The following CDYL2 variants were observed in gnomAD, a reference collection of about 807,000 sequenced individuals.
CDYL2 encodes the protein chromodomain Y like 2.
CDYL2 carries 23 observed loss-of-function variants against 49.4 expected under a neutral mutation model. The observed-to-expected ratio is 0.47, with a 90% CI of 0.34 to 0.66. CDYL2 has a LOEUF of 0.66. Ranked by LOEUF, CDYL2 falls within the 30% of genes least tolerant of loss-of-function variation. The pLI, the probability that CDYL2 is intolerant of heterozygous loss-of-function variation, is 0.01. For synonymous variants in CDYL2, 360 were observed against 268.8 expected, an observed-to-expected ratio of 1.34 and a Z score of -3.32; for missense variants, 678 against 656.4, an observed-to-expected ratio of 1.03 and a Z score of -0.36.
At chr16:80,629,075 G>A (rs1387792837) in intron 3 of CDYL2, among the ~76,000 whole-genome samples, 1 of 152,204 alleles carries the variant, frequency 6.6e-6, no homozygotes, top group Non-Finnish European at 1.5e-5. Context: ...AGGTATGTGA[G>A]GTGGGCTGCA....
chr16:80,748,910 G>GAA (rs1906032458), intron 1 of CDYL2, among the ~76,000 whole-genome samples: 1 of 152,084 alleles, frequency 6.6e-6, no homozygotes, highest in Non-Finnish European at 1.5e-5. Context: ...ATCAAAAAAA[G>GAA]AAAAGTCATA....
At chr16:80,674,527 C>T (rs144271036) in intron 2 of CDYL2, among the ~76,000 whole-genome samples, 2 of 152,102 alleles carry the variant, frequency 1.3e-5, no homozygotes, top group East Asian at 3.8e-4. Flanking sequence ...GTGTGACTTG[C>T]AGAGTTGTGC....
At chr16:80,628,355 T>C (rs944739076) in intron 3 of CDYL2, 3 of 152,234 alleles carry the variant, frequency 2.0e-5, no homozygotes, top group Non-Finnish European at 4.4e-5. Context: ...GACAAAAGGA[T>C]CATCCTCTCT....
At chr16:80,605,699 G>C (rs1906301002) in intron 6 of CDYL2, among the ~76,000 whole-genome samples, 1 of 151,870 alleles carries the variant, frequency 6.6e-6, no homozygotes, top group Admixed American at 6.6e-5. Flanking sequence ...ATTCATAACA[G>C]TAATAGTAAT....
At chr16:80,671,423 C>T (rs1432185563) in intron 2 of CDYL2, among the ~76,000 whole-genome samples, 1 of 152,218 alleles carries the variant, frequency 6.6e-6, no homozygotes, top group African/African-American at 2.4e-5. Flanking sequence ...CCCTGCCACC[C>T]AGGCCCCTCC....
chr16:80,788,671 A>G (rs908862310), intron 1 of CDYL2, among the ~76,000 whole-genome samples: 1 of 152,228 alleles, frequency 6.6e-6, no homozygotes, highest in African/African-American at 2.4e-5. Flanking sequence ...ACCTAGGATG[A>G]CTGGCTTAAA....
At chr16:80,676,254 C>T (rs1018938765) in intron 2 of CDYL2, among the ~76,000 whole-genome samples, 1 of 152,212 alleles carries the variant, frequency 6.6e-6, no homozygotes, top group African/African-American at 2.4e-5. Flanking sequence ...GATTAAAAAA[C>T]CCTCAAGTTT....
intron 2 of CDYL2, among the ~76,000 whole-genome samples, chr16:80,660,837 C>A (rs1909011362): frequency 6.6e-6 from 1 of 152,144 alleles, no homozygotes; most frequent in African/African-American, 2.4e-5. Context: ...AGAAATGGTG[C>A]ACAGTGGTCT....
intron 2 of CDYL2, among the ~76,000 whole-genome samples, chr16:80,654,856 A>G (rs1416550208): frequency 2.6e-5 from 4 of 152,252 alleles, no homozygotes; most frequent in Admixed American, 2.6e-4. Flanking sequence ...AAAATGATTC[A>G]GTGAACTTCG....
chr16:80,793,063 G>A (rs1183337570), intron 1 of CDYL2, among the ~76,000 whole-genome samples: 3 of 152,172 alleles, frequency 2.0e-5, no homozygotes, highest in Non-Finnish European at 2.9e-5. Context: ...CCTTACAAGT[G>A]TGTCTCCCAA....
intron 2 of CDYL2, among the ~76,000 whole-genome samples, chr16:80,634,317 T>G (rs113800277): frequency 6.6e-6 from 1 of 152,022 alleles, no homozygotes; most frequent in Non-Finnish European, 1.5e-5. Context: ...TATGCAACCA[T>G]AAAAAAGGAT....
At chr16:80,686,768 G>C (rs929505140) in intron 1 of CDYL2, among the ~76,000 whole-genome samples, 2 of 152,168 alleles carry the variant, frequency 1.3e-5, no homozygotes, top group African/African-American at 4.8e-5. Flanking sequence ...TAATAAATAT[G>C]CAAATAACTA....
At chr16:80,727,915 A>G (rs1412078210) in intron 1 of CDYL2, among the ~76,000 whole-genome samples, 3 of 152,198 alleles carry the variant, frequency 2.0e-5, no homozygotes, top group African/African-American at 7.2e-5. Flanking sequence ...AAACTAACAA[A>G]CAGAAAGGAC....
chr16:80,607,173 G>A (rs1181645614), intron 6 of CDYL2, among the ~76,000 whole-genome samples: 3 of 152,038 alleles, frequency 2.0e-5, no homozygotes, highest in Admixed American at 6.5e-5. Flanking sequence ...CCTGGAGACC[G>A]CCACCCCCCA....
intron 1 of CDYL2, among the ~76,000 whole-genome samples, chr16:80,711,822 T>C (rs1038816178): frequency 1.3e-5 from 2 of 152,074 alleles, no homozygotes; most frequent in Non-Finnish European, 2.9e-5. Flanking sequence ...GGCCCTTGTC[T>C]GATGTACCTA....
chr16:80,621,945 C>T (rs935840131), intron 3 of CDYL2, among the ~76,000 whole-genome samples: 1 of 152,160 alleles, frequency 6.6e-6, no homozygotes, highest in Non-Finnish European at 1.5e-5. Flanking sequence ...GGCCAGGTAC[C>T]CTGCTACATG....
At chr16:80,740,084 G>A (rs184408800) in intron 1 of CDYL2, among the ~76,000 whole-genome samples, 20 of 152,150 alleles carry the variant, frequency 1.3e-4, no homozygotes, top group African/African-American at 4.6e-4. Flanking sequence ...CTACTTACAG[G>A]TCTCTAACTC....
At chr16:80,756,406 T>C (rs556627725) in intron 1 of CDYL2, among the ~76,000 whole-genome samples, 23 of 151,932 alleles carry the variant, frequency 1.5e-4, no homozygotes, top group Non-Finnish European at 2.5e-4. Flanking sequence ...TAAAAGAATA[T>C]ATAACAAAAA....
rs111209941 is a variant in CDYL2 at position 80,716,695 on chromosome 16, T to C, written c.25-31566A>G. Among the ~76,000 whole-genome samples the C allele has an allele frequency of 1.5e-3, 220 of 149,044 alleles. 4 individuals carry two copies. The South Asian group carries it at 0.031, about 21-fold the overall frequency. On this transcript the variant is annotated intron_variant, in intron 1 of 6. Transcript: ENST00000570137. ...GATTGGATGGATAACAGAGGGGTAA[T>C]TGAATGAATGGATAGATATAGTGAT...
Sources: gnomAD v4.1 joint callset for allele counts (sites outside exome capture counted in the v4.1 genomes callset) on GRCh38, gnomAD v4.1.1 for gene constraint, MANE v1.5 for transcripts, NCBI Gene and HGNC (gene_info 2026-07-23, HGNC 2026-07-21) for gene names.